Variants in CACNA1D observed in about 807,000 individuals in gnomAD.
CACNA1D encodes voltage-dependent L-type calcium channel subunit alpha-1D.
CACNA1D carries 55 observed loss-of-function variants against 257.1 expected under a neutral mutation model. The ratio of observed to expected loss-of-function variants is 0.21; its 90% CI spans 0.17 to 0.27. The LOEUF (loss-of-function observed/expected upper bound fraction) is 0.27, where lower values mean the gene tolerates loss of function less well. CACNA1D is among the 10% of genes least tolerant of loss of function. The probability of loss-of-function intolerance (pLI) is 1.00; values close to 1 mark genes in which losing one functional copy is unlikely to be tolerated. For synonymous variants in CACNA1D, 980 were observed against 1,014.9 expected (o/e 0.97, Z 0.65); for missense variants, 1,876 against 2,784.0 (o/e 0.67, Z 7.34).
At chr3:53,590,926 G>C (rs2093295104) in intron 3 of CACNA1D, among the ~76,000 whole-genome samples, 1 of 152,190 alleles carries the variant, frequency 6.6e-6, no homozygotes, top group South Asian at 2.1e-4. Context: ...CCTACTGCCT[G>C]TCCTGCATTT....
intron 3 of CACNA1D, among the ~76,000 whole-genome samples, chr3:53,567,932 T>C (rs1211859667): frequency 1.3e-5 from 2 of 152,184 alleles, no homozygotes; most frequent in African/African-American, 4.8e-5. Flanking sequence ...TAGGTTTCTT[T>C]CTGACTGAAA....
At chr3:53,598,954 C>T (rs1203267123) in intron 3 of CACNA1D, among the ~76,000 whole-genome samples, 1 of 151,466 alleles carries the variant, frequency 6.6e-6, no homozygotes, top group African/African-American at 2.4e-5. Flanking sequence ...AGCAAATTAA[C>T]CAGTCAAGGA....
At chr3:53,646,809 C>T (rs2680658) in intron 3 of CACNA1D, among the ~76,000 whole-genome samples, 34,777 of 151,972 alleles carry the variant, frequency 0.23, 4,317 homozygotes, top group East Asian at 0.41. Flanking sequence ...TGCAGGTGCT[C>T]GGGGATAGAT....
At chr3:53,710,702 C>T (rs2108636607) in intron 9 of CACNA1D, among the ~76,000 whole-genome samples, 1 of 137,902 alleles carries the variant, frequency 7.3e-6, no homozygotes, top group East Asian at 2.3e-4. Flanking sequence ...AAAGAAGCAG[C>T]TGAACCAACT....
intron 3 of CACNA1D, among the ~76,000 whole-genome samples, chr3:53,553,566 C>T (rs1340209318): frequency 2.0e-5 from 3 of 152,080 alleles, no homozygotes; most frequent in South Asian, 2.1e-4. Flanking sequence ...ACCATTTCTA[C>T]GGGAATGTTT....
chr3:53,778,629 C>T (rs564888998), intron 37 of CACNA1D, among the ~76,000 whole-genome samples: 2 of 152,182 alleles, frequency 1.3e-5, no homozygotes, highest in Non-Finnish European at 2.9e-5. Flanking sequence ...TCTTTGTGTC[C>T]GTGAGTCCTT....
chr3:53,654,241 CA>C (rs2094127150), intron 4 of CACNA1D, among the ~76,000 whole-genome samples: 1 of 152,050 alleles, frequency 6.6e-6, no homozygotes, highest in African/African-American at 2.4e-5. Flanking sequence ...AGTGGCTCTA[CA>C]CAAAAAAGAA....
intron 3 of CACNA1D, among the ~76,000 whole-genome samples, chr3:53,641,279 A>C (rs1477639365): frequency 1.3e-5 from 2 of 152,172 alleles, no homozygotes; most frequent in Non-Finnish European, 2.9e-5. Flanking sequence ...GTGCTTCTCA[A>C]GAAGCCTTCC....
chr3:53,803,592 G>T lies in CACNA1D; in HGVS notation c.5585+20G>T, dbSNP rs56382996. The stretch of plus-strand genomic sequence containing the variant: ...GAGCAGGTGAGCTGCTCTGGCTCCT[G>T]TGGAGAGCGGGAGGCCGCCCTGCCC... On this transcript the variant is annotated intron_variant, in intron 44 of 47. Coordinates refer to ENST00000350061, the MANE Select transcript of CACNA1D (RefSeq NM_001128840.3). The T allele has an allele frequency of 0.088, 142,546 of 1,612,206 alleles. 10,202 individuals carry two copies. Among genetic ancestry groups the T allele is most frequent in the African/African-American group, 0.38 (28,627 of 74,952 alleles).
chr3:53,614,569 C>A (rs2093616955), intron 3 of CACNA1D, among the ~76,000 whole-genome samples: 1 of 152,152 alleles, frequency 6.6e-6, no homozygotes, highest in South Asian at 2.1e-4. Flanking sequence ...GAACAAAATG[C>A]TTTCTTCCTG....
At chr3:53,649,366 A>G (rs1319321608) in intron 3 of CACNA1D, among the ~76,000 whole-genome samples, 1 of 152,214 alleles carries the variant, frequency 6.6e-6, no homozygotes, top group Non-Finnish European at 1.5e-5. Context: ...TAATAGTGAT[A>G]ATATATAGCA....
intron 5 of CACNA1D, 106 bp downstream of exon 5, chr3:53,660,381 G>T (rs972417807): frequency 9.3e-7 from 1 of 1,079,014 alleles, no homozygotes; most frequent in Non-Finnish European, 1.4e-6. Context: ...GCCAGCCAGG[G>T]GTCAGCAGAT....
intron 39 of CACNA1D, among the ~76,000 whole-genome samples, chr3:53,783,676 A>G (rs902597934): frequency 4.6e-5 from 7 of 152,256 alleles, no homozygotes; most frequent in Non-Finnish European, 7.3e-5. Context: ...AGTGGCCATC[A>G]GGCTTTGGTG....
At chr3:53,565,888 C>T (rs1270028033) in intron 3 of CACNA1D, among the ~76,000 whole-genome samples, 2 of 152,218 alleles carry the variant, frequency 1.3e-5, no homozygotes, top group Non-Finnish European at 2.9e-5. Flanking sequence ...AATACTTCTG[C>T]TCCCCAAATG....
intron 3 of CACNA1D, among the ~76,000 whole-genome samples, chr3:53,592,389 G>A (rs2093317930): frequency 1.3e-5 from 2 of 152,078 alleles, no homozygotes; most frequent in South Asian, 4.2e-4. Flanking sequence ...TGGAGTAGGG[G>A]TGAAAGGAGG....
intron 15 of CACNA1D, 85 bp from the exon 16 acceptor site, chr3:53,730,357 G>T: frequency 1.1e-6 from 1 of 872,626 alleles, no homozygotes; most frequent in Non-Finnish European, 2.0e-6. Context: ...AGCTTCCCGG[G>T]ATGCAGAGGT....
chr3:53,654,921 A>G (rs903182598), intron 4 of CACNA1D, among the ~76,000 whole-genome samples: 10 of 152,238 alleles, frequency 6.6e-5, no homozygotes, highest in African/African-American at 1.7e-4. Flanking sequence ...AAAGGACAGG[A>G]CAAATAGAAA....
chr3:53,760,206 C>T (rs906369144), intron 29 of CACNA1D, among the ~76,000 whole-genome samples: 1 of 152,068 alleles, frequency 6.6e-6, no homozygotes, highest in African/African-American at 2.4e-5. Flanking sequence ...AAGTCAGTGT[C>T]GTAGCTCCCC....
At chr3:53,608,665 C>G (rs1415590844) in intron 3 of CACNA1D, among the ~76,000 whole-genome samples, 1 of 152,120 alleles carries the variant, frequency 6.6e-6, no homozygotes, top group Non-Finnish European at 1.5e-5. Flanking sequence ...ATTTCTATTT[C>G]TCAGGAGCTT....
Sources: gnomAD v4.1 joint callset for allele counts (sites outside exome capture counted in the v4.1 genomes callset) on GRCh38, gnomAD v4.1.1 for gene constraint, MANE v1.5 for transcripts, NCBI Gene and HGNC (gene_info 2026-07-23, HGNC 2026-07-21) for gene names.